FBXO16: variants seen among roughly 807,000 people sequenced by gnomAD.
FBXO16 encodes F-box only protein 16.
Under a neutral mutation model 41.0 loss-of-function variants are expected in FBXO16, and 31 were observed. The observed-to-expected ratio is 0.76, with a 90% CI of 0.57 to 1.02. The LOEUF is 1.02. FBXO16 is among the 50% of genes least tolerant of loss of function. The pLI, the probability that FBXO16 is intolerant of heterozygous loss-of-function variation, is 0.00. For synonymous variants in FBXO16, 133 were observed against 117.8 expected, an observed-to-expected ratio of 1.13 and a Z score of -0.84; for missense variants, 361 against 346.2, an observed-to-expected ratio of 1.04 and a Z score of -0.34.
At chr8:28,450,522 G>C (rs950090240) in intron 6 of FBXO16, among the ~76,000 whole-genome samples, 1 of 152,158 alleles carries the variant, frequency 6.6e-6, no homozygotes, top group Non-Finnish European at 1.5e-5. Flanking sequence ...TCGGGTGTCA[G>C]GTCTACTTGG....
intron 8 of FBXO16, among the ~76,000 whole-genome samples, 191 bp downstream of exon 8, chr8:28,429,187 T>G (rs1021477253): frequency 6.6e-6 from 1 of 152,180 alleles, no homozygotes; most frequent in Non-Finnish European, 1.5e-5. Context: ...AGATGAGGTC[T>G]CCCTATGTTG....
At chr8:28,445,942 A>T (rs554689484) in intron 7 of FBXO16, among the ~76,000 whole-genome samples, 2 of 152,070 alleles carry the variant, frequency 1.3e-5, no homozygotes, top group African/African-American at 4.8e-5. Context: ...ACTACTATAT[A>T]TGAACTTTGA....
chr8:28,488,822 G>C (rs992109127), intron 1 of FBXO16, among the ~76,000 whole-genome samples: 7 of 152,090 alleles, frequency 4.6e-5, no homozygotes, highest in Non-Finnish European at 1.0e-4. Flanking sequence ...TGGAAGTCTA[G>C]GTCTGCCATG....
At chr8:28,454,891 C>G (rs966318458) in intron 5 of FBXO16, among the ~76,000 whole-genome samples, 1 of 150,686 alleles carries the variant, frequency 6.6e-6, no homozygotes, top group Non-Finnish European at 1.5e-5. Context: ...TTTTCCTAAT[C>G]ATGAATAGAT....
intron 1 of FBXO16, among the ~76,000 whole-genome samples, chr8:28,486,154 G>C (rs1286227976): frequency 6.6e-6 from 1 of 150,516 alleles, no homozygotes; most frequent in Non-Finnish European, 1.5e-5. Context: ...ACTGAGTCTA[G>C]ATCTCCCCAG....
chr8:28,479,082 C>T (rs902625398), intron 2 of FBXO16, among the ~76,000 whole-genome samples: 2 of 152,164 alleles, frequency 1.3e-5, no homozygotes, highest in Non-Finnish European at 2.9e-5. Flanking sequence ...GAGGCCGCCC[C>T]AGAAGCAGAT....
chr8:28,474,746 T>C (rs972258534), intron 2 of FBXO16, among the ~76,000 whole-genome samples: 10 of 152,256 alleles, frequency 6.6e-5, no homozygotes, highest in Non-Finnish European at 1.2e-4. Flanking sequence ...GGACAGAAAC[T>C]AAGTCTTATT....
At chr8:28,473,952 T>C (rs1216488921) in intron 2 of FBXO16, 145 bp from the exon 3 acceptor site, 1 of 627,248 alleles carries the variant, frequency 1.6e-6, no homozygotes, top group Non-Finnish European at 2.7e-6. Context: ...CCTGAGGTTA[T>C]ATATTTTTAC....
chr8:28,440,635 A>G (rs1802757051), intron 7 of FBXO16, among the ~76,000 whole-genome samples: 1 of 152,210 alleles, frequency 6.6e-6, no homozygotes, highest in African/African-American at 2.4e-5. Flanking sequence ...TCAGGACACT[A>G]AGAGTAAAGT....
At position 28,449,759 on chromosome 8, in the gene FBXO16, G is replaced by T. The variant is rs796155022; in HGVS notation, c.740+2485C>A. ...GAGGCTGAGGTGTGAGGATCATGAG[G>T]TTAGGAGTTCGAGACCAGCCTGGCC... On this transcript the variant is annotated intron_variant, in intron 6 of 8. Coordinates refer to ENST00000380254, the MANE Select transcript of FBXO16 (RefSeq NM_172366.4). Among the ~76,000 whole-genome samples the T allele has an allele frequency of 3.3e-5, 5 of 152,040 alleles. No individual in the cohort carries two copies. The East Asian group carries it at 9.7e-4, about 29-fold the overall frequency.
At chr8:28,443,477 C>T (rs1013993894) in intron 7 of FBXO16, among the ~76,000 whole-genome samples, 1 of 152,172 alleles carries the variant, frequency 6.6e-6, no homozygotes, top group African/African-American at 2.4e-5. Flanking sequence ...GGGTATGTCA[C>T]TTTCATCTTT....
At chr8:28,448,181 G>C (rs1429370595) in intron 6 of FBXO16, among the ~76,000 whole-genome samples, 2 of 151,254 alleles carry the variant, frequency 1.3e-5, no homozygotes, top group African/African-American at 4.9e-5. Context: ...CTCTACAAAA[G>C]ATTAAAAAAT....
chr8:28,477,121 C>T (rs188755474), intron 2 of FBXO16, among the ~76,000 whole-genome samples: 5 of 151,468 alleles, frequency 3.3e-5, no homozygotes, highest in South Asian at 2.1e-4. Context: ...TTTTTTTAGG[C>T]GTCTAAATTT....
At chr8:28,455,525 C>T (rs1236063831) in intron 5 of FBXO16, 1 of 152,262 alleles carries the variant, frequency 6.6e-6, no homozygotes, top group Non-Finnish European at 1.5e-5. Flanking sequence ...GCATAAACCA[C>T]TGTGCCTGGC....
At chr8:28,445,673 G>A (rs1433774644) in intron 7 of FBXO16, among the ~76,000 whole-genome samples, 1 of 152,178 alleles carries the variant, frequency 6.6e-6, no homozygotes, top group Non-Finnish European at 1.5e-5. Context: ...TCTATGGTAA[G>A]CCTCATCCAG....
chr8:28,457,052 C>T, intron 4 of FBXO16, 122 bp from the exon 5 acceptor site: 2 of 1,013,096 alleles, frequency 2.0e-6, no homozygotes, highest in Non-Finnish European at 2.8e-6. Flanking sequence ...TCCTTTGCCT[C>T]CAAACCATAG....
intron 2 of FBXO16, among the ~76,000 whole-genome samples, chr8:28,477,255 T>G (rs1416205790): frequency 6.6e-6 from 1 of 152,118 alleles, no homozygotes; most frequent in African/African-American, 2.4e-5. Context: ...AAGACAAAAT[T>G]AAAACAAAAA....
Position 28,483,462 on chromosome 8 carries a change from C to T in FBXO16, c.-16G>A. The T allele has an allele frequency of 6.2e-7, 1 of 1,603,364 alleles. No homozygotes were observed. The highest frequency in any genetic ancestry group is 8.5e-7 in the Non-Finnish European group (1 of 1,172,290). ...ATGCCATCATGAAACAACTGGATAT[C>T]CTTCCATAAGAAAAACAACACCTAT... is the stretch of plus-strand genomic sequence containing the variant. On this transcript the variant is annotated splice_region_variant and 5_prime_UTR_variant, in exon 2 of 9. Coordinates refer to ENST00000380254, the MANE Select transcript of FBXO16 (RefSeq NM_172366.4).
intron 6 of FBXO16, among the ~76,000 whole-genome samples, chr8:28,451,775 G>C (rs1224196348): frequency 6.6e-6 from 1 of 151,824 alleles, no homozygotes; most frequent in Non-Finnish European, 1.5e-5. Context: ...CTGAGGTCAG[G>C]AGTTCAAGAC....
Sources: gnomAD v4.1 joint callset for allele counts (sites outside exome capture counted in the v4.1 genomes callset) on GRCh38, gnomAD v4.1.1 for gene constraint, MANE v1.5 for transcripts, NCBI Gene and HGNC (gene_info 2026-07-23, HGNC 2026-07-21) for gene names.